DAB1: variants seen among roughly 807,000 people sequenced by gnomAD.
DAB1 encodes the protein DAB adaptor protein 1.
In DAB1, 15 loss-of-function variants were observed where a neutral mutation model predicts 64.6. That is an observed-to-expected ratio of 0.23 (90% CI 0.16 to 0.36). DAB1 has a LOEUF of 0.36. DAB1 is among the 10% of genes least tolerant of loss of function. The pLI is 1.00. For missense variants in DAB1, 596 were observed against 706.7 expected (o/e 0.84, Z 1.78); for synonymous variants, 235 against 251.9 (o/e 0.93, Z 0.64).
At chr1:57,141,683 C>G (rs543453808) in intron 3 of DAB1, among the ~76,000 whole-genome samples, 19 of 152,282 alleles carry the variant, frequency 1.2e-4, no homozygotes, top group African/African-American at 4.6e-4. Context: ...ACTTAGCTCT[C>G]CAGGCACTGC....
At chr1:57,803,838 C>T (rs986049809) in intron 6 of DAB1, among the ~76,000 whole-genome samples, 1 of 152,160 alleles carries the variant, frequency 6.6e-6, no homozygotes, top group Non-Finnish European at 1.5e-5. Context: ...CCGGAGACTT[C>T]CTTGCTTTTT....
intron 5 of DAB1, among the ~76,000 whole-genome samples, chr1:57,993,863 C>T (rs895460234): frequency 1.3e-5 from 2 of 152,172 alleles, no homozygotes; most frequent in African/African-American, 4.8e-5. Context: ...TAGAAAGAGG[C>T]ATTTAGGCAT....
chr1:57,368,557 G>A (rs571556167), intron 1 of DAB1, among the ~76,000 whole-genome samples: 19 of 152,196 alleles, frequency 1.2e-4, no homozygotes, highest in African/African-American at 3.9e-4. Flanking sequence ...TCCTCTCTGC[G>A]GAGTGCTCCA....
At chr1:57,595,634 C>T (rs987689156) in intron 7 of DAB1, among the ~76,000 whole-genome samples, 6 of 151,946 alleles carry the variant, frequency 3.9e-5, no homozygotes, top group African/African-American at 1.2e-4. Flanking sequence ...GTTCCCCCCC[C>T]ACCCCCCAAA....
intron 4 of DAB1, among the ~76,000 whole-genome samples, chr1:57,073,615 G>A (rs1370469558): frequency 6.6e-6 from 1 of 152,018 alleles, no homozygotes; most frequent in Admixed American, 6.6e-5. Flanking sequence ...GGTATCAGGA[G>A]GCCTGAATTC....
intron 5 of DAB1, among the ~76,000 whole-genome samples, chr1:58,119,223 TGC>T (rs1203043255): frequency 0.013 from 1,008 of 79,084 alleles, 19 homozygotes; most frequent in East Asian, 0.1. Flanking sequence ...TGTGTGTGTG[TGC>T]GTGTGTGTGT....
chr1:57,479,950 G>A (rs539594517), intron 7 of DAB1, among the ~76,000 whole-genome samples: 6 of 151,958 alleles, frequency 3.9e-5, no homozygotes, highest in African/African-American at 1.2e-4. Context: ...TCAGGAGATC[G>A]AGACCATCCT....
At chr1:57,409,470 C>A (rs1044995621) in intron 1 of DAB1, among the ~76,000 whole-genome samples, 44 of 152,048 alleles carry the variant, frequency 2.9e-4, no homozygotes, top group African/African-American at 1.0e-3. Context: ...ACTTTTACAC[C>A]CCACACATAC....
intron 4 of DAB1, among the ~76,000 whole-genome samples, chr1:58,321,010 G>T (rs1384257902): frequency 1.3e-5 from 2 of 152,218 alleles, no homozygotes; most frequent in African/African-American, 4.8e-5. Flanking sequence ...CATAGTTCCA[G>T]CTCTGCCCAG....
At chr1:58,389,361 C>T (rs977261865) in intron 3 of DAB1, among the ~76,000 whole-genome samples, 10 of 152,222 alleles carry the variant, frequency 6.6e-5, no homozygotes, top group South Asian at 6.2e-4. Context: ...TTGCTTCAGC[C>T]CAGGAGATCC....
chr1:57,907,159 G>A (rs1644565535), intron 5 of DAB1, among the ~76,000 whole-genome samples: 1 of 152,130 alleles, frequency 6.6e-6, no homozygotes, highest in Non-Finnish European at 1.5e-5. Context: ...AATTATTGAG[G>A]ACTTGTAATA....
At chr1:57,974,955 T>C (rs1308219665) in intron 5 of DAB1, among the ~76,000 whole-genome samples, 2 of 152,114 alleles carry the variant, frequency 1.3e-5, no homozygotes, top group Non-Finnish European at 2.9e-5. Context: ...AAAGGCCTAG[T>C]CCCAGCTTTA....
intron 6 of DAB1, among the ~76,000 whole-genome samples, chr1:57,710,585 C>T (rs76726517): frequency 6.6e-6 from 1 of 151,948 alleles, no homozygotes; most frequent in Non-Finnish European, 1.5e-5. Flanking sequence ...CAAGTTGTTG[C>T]GACTGGAAAT....
chr1:57,362,346 C>CTAT (rs67389841), intron 1 of DAB1, among the ~76,000 whole-genome samples: 79,573 of 151,694 alleles, frequency 0.52, 21,654 homozygotes, highest in African/African-American at 0.59. Flanking sequence ...GTATTTATTA[C>CTAT]TATTATTCAA....
chr1:57,612,724 C>T (rs1645743284), intron 7 of DAB1, among the ~76,000 whole-genome samples: 1 of 152,154 alleles, frequency 6.6e-6, no homozygotes, highest in Non-Finnish European at 1.5e-5. Context: ...AATAAATTCA[C>T]ATTGTTTTGA....
intron 1 of DAB1, among the ~76,000 whole-genome samples, chr1:58,529,809 A>C (rs184428711): frequency 3.0e-4 from 46 of 152,336 alleles, no homozygotes; most frequent in Admixed American, 6.5e-4. Flanking sequence ...ATTGAATTAC[A>C]AGTAATCTAG....
At chr1:58,025,762 C>T (rs1386441602) in intron 5 of DAB1, among the ~76,000 whole-genome samples, 3 of 148,868 alleles carry the variant, frequency 2.0e-5, no homozygotes, top group East Asian at 4.0e-4. Context: ...TCTTTGGGGT[C>T]CCCCTGTTAA....
At chr1:57,751,474 A>G (rs1054640211) in intron 6 of DAB1, among the ~76,000 whole-genome samples, 2 of 151,904 alleles carry the variant, frequency 1.3e-5, no homozygotes, top group Non-Finnish European at 2.9e-5. Context: ...AGCCCTGATG[A>G]CTCTTCAGTT....
At chr1:57,711,954 T>C (rs564688913) in intron 6 of DAB1, among the ~76,000 whole-genome samples, 2 of 152,332 alleles carry the variant, frequency 1.3e-5, no homozygotes, top group African/African-American at 2.4e-5. Context: ...ATTTAAGTTT[T>C]ATACTGAACT....
Sources: gnomAD v4.1 joint callset for allele counts (sites outside exome capture counted in the v4.1 genomes callset) on GRCh38, gnomAD v4.1.1 for gene constraint, MANE v1.5 for transcripts, NCBI Gene and HGNC (gene_info 2026-07-23, HGNC 2026-07-21) for gene names.